Variants in CELSR3 observed in about 807,000 individuals in gnomAD.
CELSR3 encodes EGF-like protein 1.
A neutral mutation model predicts 270.0 loss-of-function variants in CELSR3; 73 were observed. The observed-to-expected ratio is 0.27, with a 90% CI of 0.22 to 0.33. The LOEUF (loss-of-function observed/expected upper bound fraction) is 0.33, where lower values mean the gene tolerates loss of function less well. Among genes scored for constraint, CELSR3 ranks in the 10% least tolerant of loss-of-function variants. CELSR3 has a pLI of 1.00. For missense variants in CELSR3, 3,614 were observed against 4,533.8 expected (o/e 0.80, Z 5.83); for synonymous variants, 1,780 against 1,905.4 (o/e 0.93, Z 1.71).
Position 48,637,382 on chromosome 3 carries a change from C to T in CELSR3, c.*823G>A, listed in dbSNP as rs1367233685. The T allele has an allele frequency of 2.6e-5, 4 of 152,630 alleles. No individual in the cohort carries two copies. Among genetic ancestry groups the T allele is most frequent in the African/African-American group, 7.2e-5 (3 of 41,438 alleles). The allele number at this position is 152,630 out of a possible 1,614,324, so 9.5% of individuals were successfully genotyped here. On this transcript the variant is annotated 3_prime_UTR_variant, in exon 35 of 35. Transcript: ENST00000164024. ...CAAGCAGGGGGCAGTGTCAGGGAAT[C>T]AAATGGCACCACAGACAACTTTTGC...
Position 48,651,506 on chromosome 3 carries a change from C to T in CELSR3, c.6066-27G>A. The T allele has an allele frequency of 6.2e-7, 1 of 1,611,838 alleles. No homozygotes were observed. Among genetic ancestry groups the T allele is most frequent in the Non-Finnish European group, 8.5e-7 (1 of 1,178,600 alleles). ...TGGGGGTGCAGAGCCAGGTAAGATG[C>T]CTCCACGGTATCCCAGTGACCCTCC... On this transcript the variant is annotated intron_variant, in intron 13 of 34. Coordinates refer to ENST00000164024, the MANE Select transcript of CELSR3 (RefSeq NM_001407.3). This position sits in a 1 kb window ranked among gnomAD's most constrained non-coding sequence, Gnocchi z 7.4.
Position 48,640,765 on chromosome 3 carries a change from A to T in CELSR3, c.9026-206T>A, listed in dbSNP as rs2106696873. 9.9e-4 allele frequency: 248 copies of T among 251,560 alleles called. No individual in the cohort carries two copies. Among genetic ancestry groups the T allele is most frequent in the East Asian group, 2.4e-3 (20 of 8,424 alleles). The allele number at this position is 251,560 out of a possible 1,614,324, so 15.6% of individuals were successfully genotyped here. A position where few individuals can be genotyped will look rare whatever the true frequency, so the allele number is the denominator to read the frequency against. ...CAGAGTGGAAGGGCAGTCATCTTCCAGTTGTGGTCCCGGGGCAGGGGGAGG... is the reference window on the plus strand; with the variant it reads ...CAGAGTGGAAGGGCAGTCATCTTCCTGTTGTGGTCCCGGGGCAGGGGGAGG... On this transcript the variant is annotated intron_variant, in intron 33 of 34. Coordinates refer to ENST00000164024, the MANE Select transcript of CELSR3 (RefSeq NM_001407.3). The surrounding 1 kb of genome is among the most constrained non-coding windows in gnomAD (Gnocchi z 7.5).
rs1173485836 is a variant in CELSR3 at position 48,638,012 on chromosome 3, C to G, written c.*193G>C. ...GTATAAAAGTCTCCCTCCAGTCCCCCGTCTCTGCACCTGTCACACGCATGC... is the reference window on the plus strand; with the variant it reads ...GTATAAAAGTCTCCCTCCAGTCCCCGGTCTCTGCACCTGTCACACGCATGC... On this transcript the variant is annotated 3_prime_UTR_variant, in exon 35 of 35. Transcript: ENST00000164024. 6 of 554,322 alleles carry G rather than the reference C, an allele frequency of 1.1e-5. No homozygotes were observed. Among genetic ancestry groups the G allele is most frequent in the Non-Finnish European group, 2.0e-5 (6 of 302,728 alleles). The allele number at this position is 554,322 out of a possible 1,614,324, so 34.3% of individuals were successfully genotyped here.
rs769672815 is a variant in CELSR3 at position 48,660,377 on chromosome 3, C to T, written c.2258G>A (p.Arg753Gln). 3.1e-6 allele frequency: 5 copies of T among 1,614,066 alleles called. 1 individual carries two copies. The highest frequency in any genetic ancestry group is 3.3e-4 in the Middle Eastern group (2 of 6,062). Reference protein sequence around the residue: ...TVTVLDVNDNRPEFTMKEYHL... With the variant: ...TVTVLDVNDNQPEFTMKEYHL... ...GTACTCCTTCATTGTGAACTCAGGC[C>T]GATTGTCATTAACGTCCAGCACAGT... The change falls in exon 1 of 35, where the codon CGG (arginine) becomes CAG (glutamine). Residue 753 changes from arginine to glutamine, a missense_variant. This residue lies in a region of CELSR3 where 215 missense variants were observed against 241.2 expected (regional missense o/e 0.89). Transcript: ENST00000164024. The surrounding 1 kb of genome is among the most constrained non-coding windows in gnomAD (Gnocchi z 5.5).
At position 48,661,203 on chromosome 3, in the gene CELSR3, C is replaced by G; in HGVS notation, c.1432G>C (p.Ala478Pro). 1 of 1,599,876 alleles carries G rather than the reference C, an allele frequency of 6.3e-7. No individual in the cohort carries two copies. The highest frequency in any genetic ancestry group is 8.5e-7 in the Non-Finnish European group (1 of 1,172,696). Reference sequence around the variant, plus strand: ...AAGGCGGCGGCAGCTGCAGCGCGCGCAGCTGGCGGCCCCACGAAGCGGTAG... The same window carrying G: ...AAGGCGGCGGCAGCTGCAGCGCGCGGAGCTGGCGGCCCCACGAAGCGGTAG... The part of the protein sequence containing the change: ...LRYRFVGPPA[A>P]RAAAAAAFEI... Residue 478 changes from alanine (A) to proline (P), a missense_variant, in exon 1 of 35, where the codon GCG becomes CCG. This residue lies in a region of CELSR3 where 354 missense variants were observed against 500.9 expected (regional missense o/e 0.71). Transcript: ENST00000164024.
chr3:48,643,745 C>G (rs749631735), intron 27 of CELSR3, 68 bp from the exon 28 acceptor site: 1 of 1,510,848 alleles, frequency 6.6e-7, no homozygotes, highest in African/African-American at 1.4e-5. Flanking sequence ...GCAGGGAACA[C>G]GGGAGGACAC....
chr3:48,656,911 A>G lies in CELSR3; in HGVS notation c.4186T>C (p.Phe1396Leu). 1.9e-6 allele frequency: 3 copies of G among 1,610,794 alleles called. No homozygotes were observed. The highest frequency in any genetic ancestry group is 1.7e-6 in the Non-Finnish European group (2 of 1,178,470). Reference sequence around the variant, plus strand: ...GCCAGGAAGGGCGCGGACGAGTCAAAGCGGAGCACGGACACGCATTTCATG... The same window carrying G: ...GCCAGGAAGGGCGCGGACGAGTCAAGGCGGAGCACGGACACGCATTTCATG... ...NYMKCVSVLR[F>L]DSSAPFLASA... is the part of the protein sequence containing the mutation. The change falls in exon 2 of 35, where the codon TTT (phenylalanine) becomes CTT (leucine). Residue 1396 changes from phenylalanine to leucine, a missense_variant. By Grantham distance (22) the Phe-to-Leu change is conservative (BLOSUM62 0). This residue lies in a region of CELSR3 where 1,331 missense variants were observed against 1,933.7 expected (regional missense o/e 0.69). Transcript: ENST00000164024.
rs138245512 is a variant in CELSR3 at position 48,660,388 on chromosome 3, A to T, written c.2247T>A (p.Val749=). 2.7e-5 allele frequency: 44 copies of T among 1,614,008 alleles called. No homozygotes were observed. In the African/African-American group the frequency reaches 5.9e-4, roughly 22 times the overall value. Residue 749 remains valine, a synonymous_variant, in exon 1 of 35, where the codon GTT becomes GTA. Transcript: ENST00000164024. This position sits in a 1 kb window ranked among gnomAD's most constrained non-coding sequence, Gnocchi z 5.5. ...TTGTGAACTCAGGCCGATTGTCATTAACGTCCAGCACAGTCACGGTGACAC... is the reference window on the plus strand; with the variant it reads ...TTGTGAACTCAGGCCGATTGTCATTTACGTCCAGCACAGTCACGGTGACAC... ...SASVTVTVLD[V]NDNRPEFTMK... is the part of the protein sequence containing the mutation.
Position 48,654,585 on chromosome 3 carries a change from G to A in CELSR3, c.4989-133C>T. On this transcript the variant is annotated intron_variant, in intron 6 of 34. Coordinates refer to ENST00000164024, the MANE Select transcript of CELSR3 (RefSeq NM_001407.3). The surrounding 1 kb of genome is among the most constrained non-coding windows in gnomAD (Gnocchi z 5.4). ...GGGAGGAAAATAAGGCCGAGCTGTG[G>A]AAGGAGTTAGGATCTTACTTCAGTT... is the stretch of plus-strand genomic sequence containing the variant. The A allele has an allele frequency of 1.3e-6, 1 of 756,872 alleles. No homozygotes were observed. Among genetic ancestry groups the A allele is most frequent in the East Asian group, 2.7e-5 (1 of 36,394 alleles). The allele number at this position is 756,872 out of a possible 1,614,324, so 46.9% of individuals were successfully genotyped here.
In CELSR3 at chr3:48,646,722, G is replaced by A; in HGVS notation, c.7295+41C>T. On this transcript the variant is annotated intron_variant, in intron 21 of 34. Coordinates refer to ENST00000164024, the MANE Select transcript of CELSR3 (RefSeq NM_001407.3). This position sits in a 1 kb window ranked among gnomAD's most constrained non-coding sequence, Gnocchi z 4.8. ...CCACCAAAAAAGGGGCTGCCAGGCT[G>A]AGAAGTTCGTAGGAAGCTCAGGGGT... 1.3e-6 allele frequency: 2 copies of A among 1,581,950 alleles called. No individual in the cohort carries two copies. Among genetic ancestry groups the A allele is most frequent in the East Asian group, 2.3e-5 (1 of 44,006 alleles).
chr3:48,652,299 G>T lies in CELSR3; in HGVS notation c.5751+138C>A. On this transcript the variant is annotated intron_variant, in intron 11 of 34. Coordinates refer to ENST00000164024, the MANE Select transcript of CELSR3 (RefSeq NM_001407.3). This position sits in a 1 kb window ranked among gnomAD's most constrained non-coding sequence, Gnocchi z 4.3. Reference sequence around the variant, plus strand: ...CACCTCCAATGCCACAGAAAGGCTTGACCTAGCTCTCAACTCTGGGTCATT... The same window carrying T: ...CACCTCCAATGCCACAGAAAGGCTTTACCTAGCTCTCAACTCTGGGTCATT... 1.3e-6 allele frequency: 1 copy of T among 786,648 alleles called. No individual in the cohort carries two copies. The highest frequency in any genetic ancestry group is 2.1e-6 in the Non-Finnish European group (1 of 466,202). 48.7% of individuals were successfully genotyped at this position (786,648 alleles called of 1,614,324 possible).
At position 48,653,068 on chromosome 3, in the gene CELSR3, C is replaced by A. The variant is rs1383870145; in HGVS notation, c.5568G>T (p.Gln1856His). The A allele has an allele frequency of 1.9e-6, 3 of 1,613,294 alleles. No homozygotes were observed. The highest frequency in any genetic ancestry group is 3.3e-4 in the Middle Eastern group (2 of 6,058). Residue 1856 changes from glutamine (Q) to histidine (H), a missense_variant, in exon 10 of 35, where the codon CAG becomes CAT. Physicochemically the swap from Gln to His is conservative, Grantham distance 24. Around this residue, in one of 7 missense-constraint regions of CELSR3, gnomAD observed 1,331 missense variants for 1,933.7 expected, o/e 0.69. Coordinates refer to ENST00000164024, the MANE Select transcript of CELSR3 (RefSeq NM_001407.3). The surrounding 1 kb of genome is among the most constrained non-coding windows in gnomAD (Gnocchi z 6.5). Reference protein sequence around the residue: ...GRWHDLRLELQEEPGGRRGHH... With the variant: ...GRWHDLRLELHEEPGGRRGHH... ...GGCCCCGCCGGCCACCTGGTTCCTC[C>A]TGCAACTCCAGCCGCAGATCGTGCC...
rs375779563 is a variant in CELSR3, at chr3:48,642,668, G to A, written c.8555+68C>T. On this transcript the variant is annotated intron_variant, in intron 30 of 34. Coordinates refer to ENST00000164024, the MANE Select transcript of CELSR3 (RefSeq NM_001407.3). The surrounding 1 kb of genome is among the most constrained non-coding windows in gnomAD (Gnocchi z 6.1). ...AGCCACCCGCCCTAGGACCTGGTCA[G>A]CCAAGCCCTGGTAAGGTGGGGCTGG... is the stretch of plus-strand genomic sequence containing the variant. 7.6e-5 allele frequency: 119 copies of A among 1,557,076 alleles called. No homozygotes were observed. The African/African-American group carries it at 1.4e-3, about 18-fold the overall frequency.
rs755435758 is a variant in CELSR3, at chr3:48,656,202, C to A, written c.4563G>T (p.Pro1521=). The change falls in exon 3 of 35, where the codon CCG becomes CCT. Residue 1521 remains proline (P), a synonymous_variant. Transcript: ENST00000164024. ...CGCGAAACATGACGAACGAACTGGGCGGGAAGGAGCGCGCAGCCACCTCGC... is the reference window on the plus strand; with the variant it reads ...CGCGAAACATGACGAACGAACTGGGAGGGAAGGAGCGCGCAGCCACCTCGC... ...PRCEVAARSF[P]PSSFVMFRGL... 1.5e-5 allele frequency: 23 copies of A among 1,537,332 alleles called. No homozygotes were observed. The highest frequency in any genetic ancestry group is 5.9e-5 in the Admixed American group (3 of 51,200).
chr3:48,653,581 G>C lies in CELSR3; in HGVS notation c.5448+38C>G, dbSNP rs781036589. ...AATGTCAGTGGCGGCCTAAGAGACT[G>C]AGAACTGAGGGTATAGGGGTGAGCA... On this transcript the variant is annotated intron_variant, in intron 9 of 34. Coordinates refer to ENST00000164024, the MANE Select transcript of CELSR3 (RefSeq NM_001407.3). This position sits in a 1 kb window ranked among gnomAD's most constrained non-coding sequence, Gnocchi z 6.5. 7.5e-6 allele frequency: 12 copies of C among 1,595,522 alleles called. No homozygotes were observed.
At position 48,662,485 on chromosome 3, in the gene CELSR3, C is replaced by T. The variant is rs772794074; in HGVS notation, c.150G>A (p.Thr50=). ...CGCCACCGATATGCGCCCTTGGCCC[C>T]GTAGTGGCAGCTAAGCCTGGGTCCC... ...QGWDPGLAAT[T]GPRAHIGGGA... The change falls in exon 1 of 35, where the codon ACG becomes ACA. Residue 50 remains threonine, a synonymous_variant. Transcript: ENST00000164024. The surrounding 1 kb of genome is among the most constrained non-coding windows in gnomAD (Gnocchi z 7.1). 31 of 1,612,572 alleles carry T rather than the reference C, an allele frequency of 1.9e-5. No homozygotes were observed. The highest frequency in any genetic ancestry group is 2.5e-5 in the Non-Finnish European group (29 of 1,179,834).
At chr3:48,648,989 G>A in intron 17 of CELSR3, 61 bp from the exon 18 acceptor site, 2 of 1,583,066 alleles carry the variant, frequency 1.3e-6, no homozygotes, top group Non-Finnish European at 1.7e-6. Context: ...AAGCTTCACA[G>A]GGAGAAAGCC....
At position 48,652,935 on chromosome 3, in the gene CELSR3, T is replaced by C. The variant is rs2047149848; in HGVS notation, c.5634+67A>G. 1 of 1,317,586 alleles carries C rather than the reference T, an allele frequency of 7.6e-7. No homozygotes were observed. Among genetic ancestry groups the C allele is most frequent in the South Asian group, 1.3e-5 (1 of 79,768 alleles). The allele number at this position is 1,317,586 out of a possible 1,614,324, so 81.6% of individuals were successfully genotyped here. ...GAACTGAGAGGAGCTGGACTAGAGG[T>C]GGGGTCAAATAAGGCGGATCTGGTT... On this transcript the variant is annotated intron_variant, in intron 10 of 34. Transcript: ENST00000164024. This position sits in a 1 kb window ranked among gnomAD's most constrained non-coding sequence, Gnocchi z 4.3.
rs746146160 is a variant in CELSR3 at position 48,656,768 on chromosome 3, T to G, written c.4329A>C (p.Pro1443=). The G allele has an allele frequency of 3.2e-6, 5 of 1,563,090 alleles. No homozygotes were observed. Residue 1443 remains proline, a synonymous_variant, in exon 2 of 35, where the codon CCA becomes CCC. Transcript: ENST00000164024. ...ETELDLCYSN[P]CRNGGACARR... ...GCGCGCAGGCTCCGCCGTTGCGACA[T>G]GGGTTGGAGTAGCAGAGGTCGAGCT...
Sources: allele counts gnomAD v4.1 joint callset, GRCh38; gene constraint gnomAD v4.1.1; regional missense constraint gnomAD v4.1.1; non-coding constraint Gnocchi (gnomAD v3.1); transcripts MANE v1.5; gene names NCBI Gene and HGNC (gene_info 2026-07-23, HGNC 2026-07-21).